The following PCDHA3 variants were observed in gnomAD, a reference collection of about 807,000 sequenced individuals.
PCDHA3 encodes protocadherin alpha-3.
A neutral mutation model predicts 62.2 loss-of-function variants in PCDHA3; 41 were observed. That is an observed-to-expected ratio of 0.66 (90% confidence interval 0.51 to 0.86). The LOEUF (loss-of-function observed/expected upper bound fraction) is 0.86, where lower values mean the gene tolerates loss of function less well. Ranked by LOEUF, PCDHA3 falls within the 40% of genes least tolerant of loss-of-function variation. PCDHA3 has a pLI of 0.00. For synonymous variants in PCDHA3, 640 were observed against 555.4 expected (o/e 1.15, Z -2.14); for missense variants, 1,304 against 1,241.2 (o/e 1.05, Z -0.76).
chr5:140,991,588 C>T (rs1252872687), intron 3 of PCDHA3, among the ~76,000 whole-genome samples: 3 of 152,212 alleles, frequency 2.0e-5, no homozygotes, highest in African/African-American at 7.2e-5. Flanking sequence ...TTATTTCTAC[C>T]TGAGCCCTCA....
chr5:140,881,332 C>T (rs923599590), intron 1 of PCDHA3: 7 of 984,540 alleles, frequency 7.1e-6, no homozygotes, highest in South Asian at 9.4e-5. Flanking sequence ...TTAACCAGGA[C>T]GCCGATTCGG....
At position 141,010,458 on chromosome 5, in the gene PCDHA3, T is replaced by C. The variant is rs2098417373; in HGVS notation, c.*521T>C. The C allele has an allele frequency of 1.1e-6, 1 of 871,194 alleles. No individual in the cohort carries two copies. The highest frequency in any genetic ancestry group is 1.7e-6 in the Non-Finnish European group (1 of 592,130). 54.0% of individuals were successfully genotyped at this position (871,194 alleles called of 1,614,324 possible). On this transcript the variant is annotated 3_prime_UTR_variant, in exon 4 of 4. Coordinates refer to ENST00000522353, the MANE Select transcript of PCDHA3 (RefSeq NM_018906.3). ...AAAGACAAATAAACAGCGGAAGTTA[T>C]CAGTATGGAGGGGAAGTGTAAACTT...
chr5:140,849,491 T>C (rs1554142975), intron 1 of PCDHA3: 1 of 1,592,292 alleles, frequency 6.3e-7, no homozygotes, highest in African/African-American at 1.4e-5. Context: ...CCCTGGCTGG[T>C]CATTGTACAC....
At position 140,886,685 on chromosome 5, in the gene PCDHA3, G is replaced by A. The variant is rs1250817978; in HGVS notation, c.2394+83094G>A. On this transcript the variant is annotated intron_variant, in intron 1 of 3. Transcript: ENST00000522353. The stretch of plus-strand genomic sequence containing the variant: ...TACTAAAAATACAAAAATTAGCGAG[G>A]CATGGTGGCACGCGCCTGTAATCCC... Among the ~76,000 whole-genome samples the A allele has an allele frequency of 2.6e-5, 4 of 152,080 alleles. No homozygotes were observed. In the East Asian group the frequency reaches 7.8e-4, roughly 30 times the overall value.
Position 140,877,183 on chromosome 5 carries a change from G to A in PCDHA3, c.2394+73592G>A, listed in dbSNP as rs201399892. 787 of 1,613,846 alleles carry A rather than the reference G, an allele frequency of 4.9e-4. 5 individuals are homozygous for A. The African/African-American group carries it at 9.2e-3, about 19-fold the overall frequency. ...GCCGGCACTGCTGGCGACTCCGGCT[G>A]GCAGCGCAGGAGGCGCAGTTAGCGA... On this transcript the variant is annotated intron_variant, in intron 1 of 3. Transcript: ENST00000522353.
intron 1 of PCDHA3, among the ~76,000 whole-genome samples, chr5:140,976,583 G>A (rs1360171256): frequency 8.6e-5 from 13 of 151,966 alleles, no homozygotes; most frequent in African/African-American, 3.1e-4. Flanking sequence ...ATAAAACACA[G>A]ACTTTTGTGT....
chr5:140,953,951 A>C (rs1554221165), intron 1 of PCDHA3, among the ~76,000 whole-genome samples: 1 of 151,876 alleles, frequency 6.6e-6, no homozygotes, highest in Admixed American at 6.6e-5. Context: ...TGCTCCCCCA[A>C]CAGGCCCCAG....
chr5:140,811,717 T>C (rs1554125800), intron 1 of PCDHA3: 5 of 152,228 alleles, frequency 3.3e-5, no homozygotes, highest in Non-Finnish European at 7.3e-5. Context: ...TGGTATCTCA[T>C]TGTGGTTTTG....
At chr5:140,856,020 G>T in intron 1 of PCDHA3, 4 of 1,553,378 alleles carry the variant, frequency 2.6e-6, no homozygotes, top group South Asian at 1.2e-5. Context: ...CCGCTGATTC[G>T]TCGATTTGTA....
At chr5:140,959,541 C>T (rs2095493793) in intron 1 of PCDHA3, among the ~76,000 whole-genome samples, 1 of 152,002 alleles carries the variant, frequency 6.6e-6, no homozygotes, top group Non-Finnish European at 1.5e-5. Flanking sequence ...TTCAGAGATG[C>T]TGTATAAATA....
intron 1 of PCDHA3, chr5:140,822,088 C>A (rs2150113619): frequency 6.2e-7 from 1 of 1,614,256 alleles, no homozygotes; most frequent in Non-Finnish European, 8.5e-7. Flanking sequence ...CAGCATCCAC[C>A]TGGAGGTGAT....
intron 1 of PCDHA3, chr5:140,859,908 T>C (rs1554152827): frequency 6.6e-6 from 1 of 150,380 alleles, no homozygotes; most frequent in Non-Finnish European, 1.5e-5. Context: ...CTTAATGTCT[T>C]ATATTATAAG....
In PCDHA3 at chr5:140,801,129, A is replaced by T; in HGVS notation, c.-69A>T. On this transcript the variant is annotated 5_prime_UTR_variant, in exon 1 of 4. Coordinates refer to ENST00000522353, the MANE Select transcript of PCDHA3 (RefSeq NM_018906.3). ...ACCGAGGAGTTTAAGAAATGAAGAT[A>T]AGGAACTCGAATTATTTTTAAACTT... The T allele has an allele frequency of 2.0e-6, 3 of 1,521,272 alleles. No individual in the cohort carries two copies. Among genetic ancestry groups the T allele is most frequent in the Non-Finnish European group, 2.6e-6 (3 of 1,138,712 alleles). 94.2% of individuals were successfully genotyped at this position (1,521,272 alleles called of 1,614,324 possible). A position where few individuals can be genotyped will look rare whatever the true frequency, so the allele number is the denominator to read the frequency against.
At chr5:140,967,699 T>C (rs781874469) in intron 1 of PCDHA3, 9 of 1,614,154 alleles carry the variant, frequency 5.6e-6, no homozygotes, top group Non-Finnish European at 7.6e-6. Context: ...TCAGCATAGA[T>C]GCCAGTACCG....
intron 1 of PCDHA3, among the ~76,000 whole-genome samples, chr5:140,936,016 C>T (rs1170221921): frequency 6.6e-6 from 1 of 151,732 alleles, no homozygotes; most frequent in Non-Finnish European, 1.5e-5. Context: ...CCTCAGCCTC[C>T]CGAGTAGCGG....
At chr5:140,833,320 T>C (rs1179944167) in intron 1 of PCDHA3, among the ~76,000 whole-genome samples, 1 of 152,170 alleles carries the variant, frequency 6.6e-6, no homozygotes, top group Non-Finnish European at 1.5e-5. Context: ...TTACATGCCA[T>C]TGGGAACATT....
intron 1 of PCDHA3, chr5:140,823,168 G>T (rs782693358): frequency 6.2e-7 from 1 of 1,613,838 alleles, no homozygotes; most frequent in African/African-American, 1.3e-5. Flanking sequence ...GTTCGTGAAG[G>T]AGAACAACCC....
rs371515299 is a variant in PCDHA3, at chr5:140,870,550, G to T, written c.2394+66959G>T. 1.5e-5 allele frequency: 24 copies of T among 1,613,948 alleles called. No individual in the cohort carries two copies. The highest frequency in any genetic ancestry group is 1.6e-4 in the Middle Eastern group (1 of 6,080). ...CACAGTGTCGGCGCGGGACGCGGAC[G>T]CGCAGGAGAACGCGCTGGTGTCCTA... On this transcript the variant is annotated intron_variant, in intron 1 of 3. Transcript: ENST00000522353.
intron 1 of PCDHA3, chr5:140,929,422 T>C: frequency 1.3e-6 from 2 of 1,500,730 alleles, no homozygotes; most frequent in Non-Finnish European, 1.8e-6. Context: ...CAACATTTCA[T>C]CAATTGAACT....
Sources: gnomAD v4.1 joint callset for allele counts (sites outside exome capture counted in the v4.1 genomes callset) on GRCh38, gnomAD v4.1.1 for gene constraint, MANE v1.5 for transcripts, NCBI Gene and HGNC (gene_info 2026-07-23, HGNC 2026-07-21) for gene names.